The following MR1 variants were observed in gnomAD, a reference collection of about 807,000 sequenced individuals.
The protein encoded by MR1 is major histocompatibility complex class I-related protein 1.
MR1 carries 44 observed loss-of-function variants against 37.8 expected under a neutral mutation model. That is an observed-to-expected ratio of 1.16 (90% CI 0.91 to 1.50). The LOEUF (loss-of-function observed/expected upper bound fraction) is 1.50, where lower values mean the gene tolerates loss of function less well. Among genes scored for constraint, MR1 ranks in the 40% most tolerant of loss-of-function variants. The pLI, the probability that MR1 is intolerant of heterozygous loss-of-function variation, is 0.00. For synonymous variants in MR1, 153 were observed against 155.8 expected (o/e 0.98, Z 0.13); for missense variants, 386 against 419.1 (o/e 0.92, Z 0.69).
rs967137651 is a variant in MR1 at position 181,055,833 on chromosome 1, T to A, written c.*568T>A. 1 of 153,160 alleles carries A rather than the reference T, an allele frequency of 6.5e-6. No individual in the cohort carries two copies. The highest frequency in any genetic ancestry group is 6.5e-5 in the Admixed American group (1 of 15,440). The allele number at this position is 153,160 out of a possible 1,614,324, so 9.5% of individuals were successfully genotyped here. ...TAGCCGGCAGGTTTCTACAATGGCCTGGGAATGGACTGATTATTTTTATAC... is the reference window on the plus strand; with the variant it reads ...TAGCCGGCAGGTTTCTACAATGGCCAGGGAATGGACTGATTATTTTTATAC... On this transcript the variant is annotated 3_prime_UTR_variant, in exon 6 of 6. Transcript: ENST00000367580.
chr1:181,034,077 G>A lies in MR1; in HGVS notation c.67+3G>A. ...AATGGTGAAGCACAGCGATTCCCGTGAGTATCCCACGTCCTCTTCTCTCCT... is the reference window on the plus strand; with the variant it reads ...AATGGTGAAGCACAGCGATTCCCGTAAGTATCCCACGTCCTCTTCTCTCCT... On this transcript the variant is annotated splice_donor_region_variant and intron_variant, in intron 1 of 5. Transcript: ENST00000367580. 2 of 1,612,560 alleles carry A rather than the reference G, an allele frequency of 1.2e-6. No homozygotes were observed. The highest frequency in any genetic ancestry group is 1.7e-6 in the Non-Finnish European group (2 of 1,179,502).
intron 4 of MR1, among the ~76,000 whole-genome samples, chr1:181,052,777 T>C (rs915528432): frequency 2.0e-5 from 3 of 152,164 alleles, no homozygotes; most frequent in African/African-American, 7.2e-5. Flanking sequence ...AATTTAAAAA[T>C]TAAACACGAA....
chr1:181,052,670 A>G (rs1333322506), intron 4 of MR1, among the ~76,000 whole-genome samples, 160 bp downstream of exon 4: 2 of 152,262 alleles, frequency 1.3e-5, no homozygotes, highest in African/African-American at 2.4e-5. Flanking sequence ...TTTTGGAACC[A>G]GGACGCCTTC....
chr1:181,056,060 A>G lies in MR1; in HGVS notation c.*795A>G, dbSNP rs902839493. ...ACAGAGACCTGGACCCAGCTGCACT[A>G]TTTTAATGTAAAAATAACAGTATGG... On this transcript the variant is annotated 3_prime_UTR_variant, in exon 6 of 6. Transcript: ENST00000367580. The G allele has an allele frequency of 2.0e-5, 3 of 152,194 alleles. No homozygotes were observed. Among genetic ancestry groups the G allele is most frequent in the Admixed American group, 6.6e-5 (1 of 15,264 alleles). 9.4% of individuals were successfully genotyped at this position (152,194 alleles called of 1,614,324 possible). A position where few individuals can be genotyped will look rare whatever the true frequency, so the allele number is the denominator to read the frequency against.
In MR1 at chr1:181,049,103, G is replaced by A; in HGVS notation, c.119G>A (p.Gly40Glu). Residue 40 changes from glycine (G) to glutamate (E), a missense_variant, in exon 2 of 6, where the codon GGG becomes GAG. Physicochemically the swap from Gly to Glu is moderately conservative, Grantham distance 98. Coordinates refer to ENST00000367580, the MANE Select transcript of MR1 (RefSeq NM_001385161.1). ...FRLGVSDPIH[G>E]VPEFISVGYV... is the part of the protein sequence containing the mutation. The stretch of plus-strand genomic sequence containing the variant: ...CTGGGCGTTTCGGATCCCATCCATG[G>A]GGTCCCTGAATTTATTTCGGTTGGG... 6.2e-7 allele frequency: 1 copy of A among 1,614,066 alleles called. No homozygotes were observed. Among genetic ancestry groups the A allele is most frequent in the South Asian group, 1.1e-5 (1 of 91,084 alleles).
intron 1 of MR1, among the ~76,000 whole-genome samples, chr1:181,045,000 T>A (rs1285758061): frequency 1.3e-5 from 2 of 152,178 alleles, no homozygotes; most frequent in African/African-American, 4.8e-5. Context: ...TGAGATTTTT[T>A]AATTTGAACT....
intron 1 of MR1, 90 bp downstream of exon 1, chr1:181,034,164 A>G: frequency 7.7e-7 from 1 of 1,306,792 alleles, no homozygotes; most frequent in South Asian, 1.3e-5. Flanking sequence ...GTGGTGAAAA[A>G]TATAGAAGCC....
upstream of MR1, chr1:181,033,906 T>C (rs897477036): frequency 1.7e-5 from 15 of 874,918 alleles, no homozygotes; most frequent in South Asian, 1.8e-4. Flanking sequence ...ACACTGCATA[T>C]CTTCCCCTGT....
At chr1:181,047,075 C>T (rs1390821380) in intron 1 of MR1, among the ~76,000 whole-genome samples, 7 of 152,156 alleles carry the variant, frequency 4.6e-5, no homozygotes, top group Non-Finnish European at 8.8e-5. Flanking sequence ...GGACACACCA[C>T]CACCCATAAT....
intron 3 of MR1, among the ~76,000 whole-genome samples, chr1:181,051,726 T>C (rs1464822259): frequency 3.3e-5 from 5 of 152,152 alleles, no homozygotes; most frequent in African/African-American, 4.8e-5. Context: ...CTACTACATA[T>C]GTTTGTACCT....
intron 4 of MR1, among the ~76,000 whole-genome samples, chr1:181,052,757 A>G (rs538266442): frequency 4.6e-5 from 7 of 152,320 alleles, no homozygotes; most frequent in Admixed American, 3.9e-4. Context: ...TTACTACATT[A>G]CAAATTAAAA....
chr1:181,045,312 C>A (rs1050191602), intron 1 of MR1, among the ~76,000 whole-genome samples: 1 of 152,104 alleles, frequency 6.6e-6, no homozygotes, highest in African/African-American at 2.4e-5. Context: ...GGGAAGAAAG[C>A]CATTGTGGCT....
At chr1:181,040,277 G>T (rs986629305) in intron 1 of MR1, among the ~76,000 whole-genome samples, 7 of 152,150 alleles carry the variant, frequency 4.6e-5, no homozygotes. Context: ...AAAGAGAAAT[G>T]GAAGATTAGA....
At chr1:181,048,935 G>A in intron 1 of MR1, 117 bp from the exon 2 acceptor site, 2 of 1,314,924 alleles carry the variant, frequency 1.5e-6, no homozygotes, top group Non-Finnish European at 1.1e-6. Context: ...GGCAGCTGGG[G>A]CGTGGAGGCC....
At chr1:181,039,648 C>A (rs1657451856) in intron 1 of MR1, among the ~76,000 whole-genome samples, 1 of 152,016 alleles carries the variant, frequency 6.6e-6, no homozygotes. Flanking sequence ...GGTGGATCAC[C>A]TGAGGTCATG....
chr1:181,034,205 G>GA (rs1418329158), intron 1 of MR1, 131 bp downstream of exon 1: 2 of 627,850 alleles, frequency 3.2e-6, no homozygotes, highest in African/African-American at 7.9e-5. Flanking sequence ...ATTACACTCA[G>GA]ACTCCAGGAG....
intron 2 of MR1, 116 bp downstream of exon 2, chr1:181,049,428 C>T: frequency 7.6e-7 from 1 of 1,322,692 alleles, no homozygotes; most frequent in Non-Finnish European, 1.0e-6. Context: ...TTGGCAAAGC[C>T]TGAGGAATCA....
intron 1 of MR1, among the ~76,000 whole-genome samples, chr1:181,038,871 C>T (rs11589765): frequency 0.31 from 47,371 of 151,742 alleles, 7,778 homozygotes; most frequent in Non-Finnish European, 0.36. Context: ...TGGCGTGATC[C>T]CGGCTCACTA....
At chr1:181,047,037 T>C (rs766941922) in intron 1 of MR1, among the ~76,000 whole-genome samples, 1 of 152,100 alleles carries the variant, frequency 6.6e-6, no homozygotes, top group African/African-American at 2.4e-5. Flanking sequence ...ATTCTTGAAG[T>C]CAGTGACACC....
Sources: gnomAD v4.1 joint callset for allele counts (sites outside exome capture counted in the v4.1 genomes callset) on GRCh38, gnomAD v4.1.1 for gene constraint, MANE v1.5 for transcripts, NCBI Gene and HGNC (gene_info 2026-07-23, HGNC 2026-07-21) for gene names.